The following SYT16 variants were observed in gnomAD, a reference collection of about 807,000 sequenced individuals.
The protein encoded by SYT16 is synaptotagmin 16.
A neutral mutation model predicts 61.4 loss-of-function variants in SYT16; 42 were observed. The ratio of observed to expected loss-of-function variants is 0.68; its 90% CI spans 0.53 to 0.89. The LOEUF (loss-of-function observed/expected upper bound fraction) is 0.89. Among genes scored for constraint, SYT16 ranks in the 40% least tolerant of loss-of-function variants. The pLI is 0.00. For missense variants in SYT16, 804 were observed against 807.3 expected (o/e 1.00, Z 0.05); for synonymous variants, 314 against 302.3 (o/e 1.04, Z -0.40).
At position 62,081,084 on chromosome 14, in the gene SYT16, G is replaced by A; in HGVS notation, c.1244G>A (p.Arg415Lys). Residue 415 changes from arginine (R) to lysine (K), a missense_variant, in exon 6 of 8, where the codon AGG (arginine) becomes AAG (lysine). Transcript: ENST00000683842. ...CAGAGAGGGCCCAACCCCGTCTTCA[G>A]GGAGAAGGTCACCTTTGCCAAGCTG... The part of the protein sequence containing the change: ...NIQRGPNPVF[R>K]EKVTFAKLEP... 1 of 1,613,840 alleles carries A rather than the reference G, an allele frequency of 6.2e-7. No individual in the cohort carries two copies. Among genetic ancestry groups the A allele is most frequent in the Non-Finnish European group, 8.5e-7 (1 of 1,179,840 alleles).
chr14:61,851,335 T>C (rs2046613321), intron 1 of SYT16, among the ~76,000 whole-genome samples: 1 of 152,202 alleles, frequency 6.6e-6, no homozygotes, highest in Non-Finnish European at 1.5e-5. Flanking sequence ...GTTGACTCCA[T>C]GTCTTTGCTA....
chr14:62,021,930 C>T (rs2053924663), intron 3 of SYT16, among the ~76,000 whole-genome samples: 1 of 152,108 alleles, frequency 6.6e-6, no homozygotes, highest in Non-Finnish European at 1.5e-5. Flanking sequence ...ATCTTGTCTC[C>T]CTTTGGAGGC....
chr14:62,028,549 T>C (rs1200851564), intron 3 of SYT16, among the ~76,000 whole-genome samples: 1 of 152,230 alleles, frequency 6.6e-6, no homozygotes, highest in African/African-American at 2.4e-5. Context: ...GAAATTCCTC[T>C]GTTCATTTAA....
intron 3 of SYT16, among the ~76,000 whole-genome samples, chr14:62,023,877 A>G (rs2054003422): frequency 6.6e-6 from 1 of 152,120 alleles, no homozygotes; most frequent in Non-Finnish European, 1.5e-5. Flanking sequence ...TTGGTAGTGT[A>G]TTCTTTTTCA....
intron 2 of SYT16, among the ~76,000 whole-genome samples, chr14:61,971,067 T>G (rs1019685315): frequency 2.2e-4 from 33 of 152,130 alleles, no homozygotes; most frequent in Non-Finnish European, 3.5e-4. Flanking sequence ...GAGAGTACCC[T>G]CCAGGTATCC....
chr14:62,050,545 G>A lies in SYT16; in HGVS notation c.524-19058G>A, dbSNP rs577457058. Among the ~76,000 whole-genome samples, 18 of 152,274 alleles carry A rather than the reference G, an allele frequency of 1.2e-4. No homozygotes were observed. In the South Asian group the frequency reaches 1.5e-3, roughly 12 times the overall value. ...TGCGTTCCTTTGGAGGAGGAGAGGC[G>A]CTCCGAATTTTAGAGTTTGCAGTTT... On this transcript the variant is annotated intron_variant, in intron 3 of 7. Transcript: ENST00000683842.
chr14:61,833,727 T>TTA (rs2046022418), intron 1 of SYT16, among the ~76,000 whole-genome samples: 5 of 141,610 alleles, frequency 3.5e-5, no homozygotes, highest in African/African-American at 1.3e-4. Flanking sequence ...TTTTTTTTTT[T>TTA]AAATTTAAAT....
At chr14:61,899,683 C>T (rs2048442097) in intron 1 of SYT16, among the ~76,000 whole-genome samples, 1 of 152,178 alleles carries the variant, frequency 6.6e-6, no homozygotes, top group Admixed American at 6.5e-5. Flanking sequence ...AGAATGGTCT[C>T]TGTCTTAGGC....
chr14:61,958,695 C>G (rs1186336991), intron 1 of SYT16, among the ~76,000 whole-genome samples: 1 of 151,920 alleles, frequency 6.6e-6, no homozygotes, highest in Non-Finnish European at 1.5e-5. Context: ...GTAGAATGTT[C>G]TGTGTGTAAT....
At chr14:62,092,692 A>T (rs2057129304) in intron 7 of SYT16, among the ~76,000 whole-genome samples, 1 of 151,876 alleles carries the variant, frequency 6.6e-6, no homozygotes, top group African/African-American at 2.4e-5. Flanking sequence ...AAAATCATAA[A>T]AGCCAGTAGA....
intron 1 of SYT16, among the ~76,000 whole-genome samples, chr14:61,838,761 T>G (rs2046210139): frequency 6.6e-6 from 1 of 151,976 alleles, no homozygotes; most frequent in Admixed American, 6.6e-5. Flanking sequence ...AAACATAAAG[T>G]TGTCTATGTT....
chr14:61,830,891 C>A (rs2045916500), intron 1 of SYT16, among the ~76,000 whole-genome samples: 1 of 152,132 alleles, frequency 6.6e-6, no homozygotes, highest in African/African-American at 2.4e-5. Flanking sequence ...TAGTGCCAGG[C>A]AAGGATGGTC....
At chr14:62,074,863 G>A (rs926729304) in intron 4 of SYT16, among the ~76,000 whole-genome samples, 3 of 152,090 alleles carry the variant, frequency 2.0e-5, no homozygotes, top group African/African-American at 2.4e-5. Context: ...ATGCTGTGTC[G>A]ATTTTATCCT....
At chr14:61,990,548 CAT>C (rs1278418698) in intron 2 of SYT16, among the ~76,000 whole-genome samples, 1 of 152,122 alleles carries the variant, frequency 6.6e-6, no homozygotes. Flanking sequence ...TTATTGGAAA[CAT>C]GTTCTTGTCT....
chr14:62,081,277 G>A lies in SYT16; in HGVS notation c.1434+3G>A, dbSNP rs2056698032. ...TGGAGCCAAGAAGTAATATAAGCGT[G>A]AGTATGTTAAATGGTGCTGCTAATG... On this transcript the variant is annotated splice_donor_region_variant and intron_variant, in intron 6 of 7. Transcript: ENST00000683842. 6.2e-7 allele frequency: 1 copy of A among 1,611,592 alleles called. No individual in the cohort carries two copies. The highest frequency in any genetic ancestry group is 8.5e-7 in the Non-Finnish European group (1 of 1,178,632).
At chr14:62,072,004 A>G (rs929087848) in intron 4 of SYT16, among the ~76,000 whole-genome samples, 5 of 152,208 alleles carry the variant, frequency 3.3e-5, no homozygotes, top group African/African-American at 9.6e-5. Context: ...ATTATTGCAC[A>G]CTAATTGTCA....
downstream of SYT16, chr14:62,112,648 A>G (rs920516372): frequency 3.3e-5 from 5 of 152,236 alleles, no homozygotes; most frequent in African/African-American, 1.2e-4. Flanking sequence ...TTATTTTAGT[A>G]TATACAAAAA....
At chr14:62,044,031 T>C (rs1468667792) in intron 3 of SYT16, among the ~76,000 whole-genome samples, 2 of 152,058 alleles carry the variant, frequency 1.3e-5, no homozygotes, top group Non-Finnish European at 2.9e-5. Flanking sequence ...TAGATTTGAA[T>C]TGCACAGTTC....
intron 1 of SYT16, among the ~76,000 whole-genome samples, chr14:61,919,644 C>G (rs1325798683): frequency 6.6e-6 from 1 of 152,152 alleles, no homozygotes; most frequent in South Asian, 2.1e-4. Context: ...TTTTAAGAAC[C>G]CTTGTGATTC....
Sources: allele counts gnomAD v4.1 joint callset (sites outside exome capture counted in the v4.1 genomes callset), GRCh38; gene constraint gnomAD v4.1.1; transcripts MANE v1.5; gene names NCBI Gene and HGNC (gene_info 2026-07-23, HGNC 2026-07-21).